The following ARMC10 variants were observed in gnomAD, a reference collection of about 807,000 sequenced individuals.
ARMC10 encodes armadillo repeat containing 10.
In ARMC10, 23 loss-of-function variants were observed where a neutral mutation model predicts 30.2. That is an observed-to-expected ratio of 0.76 (90% CI 0.55 to 1.08). ARMC10 has a LOEUF of 1.08. Ranked by LOEUF, ARMC10 falls within the 50% of genes least tolerant of loss-of-function variation. The pLI is 0.00. For synonymous variants in ARMC10, 111 were observed against 164.4 expected (o/e 0.68, Z 2.48); for missense variants, 303 against 413.7 (o/e 0.73, Z 2.32).
At chr7:103,085,548 C>A (rs1800760411) in intron 3 of ARMC10, among the ~76,000 whole-genome samples, 1 of 151,748 alleles carries the variant, frequency 6.6e-6, no homozygotes, top group South Asian at 2.1e-4. Flanking sequence ...AGTATTGCAA[C>A]CAACTGTAAG....
chr7:103,075,920 AC>A, intron 2 of ARMC10, 39 bp downstream of exon 2: 1 of 1,426,652 alleles, frequency 7.0e-7, no homozygotes, highest in Non-Finnish European at 9.5e-7. Flanking sequence ...TCTGCGCGAG[AC>A]ACACCCTCCC....
chr7:103,098,282 ATT>A lies in ARMC10; in HGVS notation c.778-16_778-15del, dbSNP rs1266847166. 3.5e-6 allele frequency: 5 copies of A among 1,436,056 alleles called. No homozygotes were observed. In the African/African-American group the frequency reaches 7.2e-5, roughly 21 times the overall value. The allele number at this position is 1,436,056 out of a possible 1,614,324, so 89.0% of individuals were successfully genotyped here. ...ATATTATTAATATAAAATAATACTC[ATT>A]GTTTCATATTTCAGGTGGATTCATC... On this transcript the variant is annotated splice_polypyrimidine_tract_variant and intron_variant, in intron 6 of 6. Transcript: ENST00000323716.
chr7:103,095,825 A>G (rs928853160), intron 5 of ARMC10: 2 of 152,090 alleles, frequency 1.3e-5, no homozygotes, highest in Non-Finnish European at 2.9e-5. Context: ...TCAGTAAACT[A>G]TCGCAAGAAC....
At position 103,075,218 on chromosome 7, in the gene ARMC10, GC is replaced by G; in HGVS notation, c.-50del. On this transcript the variant is annotated 5_prime_UTR_variant, in exon 1 of 7. Transcript: ENST00000323716. ...GCGTGCGCTGGAGACCTCCGCGCTG[GC>G]CCCCGCGAGCCTCCTGCCCTGGCCC... The G allele has an allele frequency of 2.7e-6, 3 of 1,128,252 alleles. No homozygotes were observed. Among genetic ancestry groups the G allele is most frequent in the East Asian group, 4.8e-5 (1 of 20,656 alleles). The allele number at this position is 1,128,252 out of a possible 1,614,324, so 69.9% of individuals were successfully genotyped here.
chr7:103,078,018 C>A (rs770672649), intron 2 of ARMC10, among the ~76,000 whole-genome samples: 1 of 151,794 alleles, frequency 6.6e-6, no homozygotes, highest in Non-Finnish European at 1.5e-5. Flanking sequence ...TTTTTTGAGA[C>A]GGAGTCGCAC....
At chr7:103,092,837 C>T (rs1801464640) in intron 5 of ARMC10, among the ~76,000 whole-genome samples, 184 bp downstream of exon 5, 1 of 152,184 alleles carries the variant, frequency 6.6e-6, no homozygotes, top group Admixed American at 6.5e-5. Context: ...TCTGTTGTTT[C>T]ACTTATCAAC....
At chr7:103,078,580 C>T (rs1388161693) in intron 2 of ARMC10, among the ~76,000 whole-genome samples, 1 of 152,204 alleles carries the variant, frequency 6.6e-6, no homozygotes, top group Non-Finnish European at 1.5e-5. Context: ...CAGTCTCGGG[C>T]AGTTCTTCAT....
At position 103,088,294 on chromosome 7, in the gene ARMC10, C is replaced by T. The variant is rs908983601; in HGVS notation, c.528+1530C>T. Among the ~76,000 whole-genome samples the T allele has an allele frequency of 3.3e-5, 5 of 151,964 alleles. No homozygotes were observed. In the South Asian group the frequency reaches 8.3e-4, roughly 25 times the overall value. ...TTATGGCTAATCAGAGACTAAAGAA[C>T]CTTTATGAAAGTAAGTAGGATTGGA... On this transcript the variant is annotated intron_variant, in intron 4 of 6. Transcript: ENST00000323716.
intron 5 of ARMC10, chr7:103,097,000 C>A: frequency 2.2e-6 from 1 of 447,456 alleles, no homozygotes; most frequent in Non-Finnish European, 4.0e-6. Flanking sequence ...TTGCAATATT[C>A]TCTCTATCTC....
chr7:103,075,162 T>C lies in ARMC10; in HGVS notation c.-111T>C. 1.4e-6 allele frequency: 1 copy of C among 736,964 alleles called. No individual in the cohort carries two copies. Among genetic ancestry groups the C allele is most frequent in the Admixed American group, 5.2e-5 (1 of 19,072 alleles). The allele number at this position is 736,964 out of a possible 1,614,324, so 45.7% of individuals were successfully genotyped here. On this transcript the variant is annotated 5_prime_UTR_variant, in exon 1 of 7. Coordinates refer to ENST00000323716, the MANE Select transcript of ARMC10 (RefSeq NM_031905.5). The stretch of plus-strand genomic sequence containing the variant: ...CCCATTTCCTTTCTCCACATCCAGG[T>C]CAGGTGGCGTTTGCTGTGGCGGCTA...
At chr7:103,077,629 C>G (rs537708609) in intron 2 of ARMC10, among the ~76,000 whole-genome samples, 11 of 152,138 alleles carry the variant, frequency 7.2e-5, no homozygotes, top group Admixed American at 2.6e-4. Context: ...AAGGCCTTAC[C>G]TCTCAATACT....
At chr7:103,079,339 AAG>A (rs1307902856) in intron 2 of ARMC10, among the ~76,000 whole-genome samples, 2 of 152,190 alleles carry the variant, frequency 1.3e-5, no homozygotes, top group African/African-American at 2.4e-5. Flanking sequence ...GGGAAAAAAA[AAG>A]AAAAAAAATT....
chr7:103,092,124 A>C (rs1252091811), intron 4 of ARMC10, among the ~76,000 whole-genome samples: 1 of 152,142 alleles, frequency 6.6e-6, no homozygotes, highest in Non-Finnish European at 1.5e-5. Context: ...CGAGGTCAGG[A>C]GATCGAGACC....
intron 2 of ARMC10, 61 bp from the exon 3 acceptor site, chr7:103,083,621 G>C (rs910534088): frequency 1.4e-6 from 2 of 1,474,510 alleles, no homozygotes; most frequent in South Asian, 2.4e-5. Context: ...GTGAGAGCCT[G>C]TTTCAAAAAT....
At chr7:103,089,611 G>C (rs1037558049) in intron 4 of ARMC10, 1 of 156,602 alleles carries the variant, frequency 6.4e-6, no homozygotes, top group African/African-American at 2.4e-5. Flanking sequence ...CAGTTGCCAT[G>C]GTCATCTAGA....
At chr7:103,097,220 TGA>T (rs1801828584) in intron 5 of ARMC10, 55 bp from the exon 6 acceptor site, 6 of 1,425,254 alleles carry the variant, frequency 4.2e-6, no homozygotes, top group Admixed American at 1.7e-5. Context: ...ACAGCATGCC[TGA>T]GAGAGAAAAT....
chr7:103,082,346 ATTC>A (rs1344903861), intron 2 of ARMC10, among the ~76,000 whole-genome samples: 2 of 150,438 alleles, frequency 1.3e-5, no homozygotes, highest in Admixed American at 6.6e-5. Context: ...TGTGTGTGTG[ATTC>A]TTCTTTGAGC....
chr7:103,097,190 C>G, intron 5 of ARMC10, 87 bp from the exon 6 acceptor site: 3 of 1,129,988 alleles, frequency 2.7e-6, no homozygotes, highest in Non-Finnish European at 4.0e-6. Flanking sequence ...AGGACTTTAA[C>G]AGGAAGACAT....
intron 2 of ARMC10, among the ~76,000 whole-genome samples, chr7:103,082,855 T>G (rs932916745): frequency 6.6e-6 from 1 of 152,218 alleles, no homozygotes; most frequent in South Asian, 2.1e-4. Flanking sequence ...TTGGCTATCC[T>G]AGCTCTTCTT....
Sources: allele counts gnomAD v4.1 joint callset (sites outside exome capture counted in the v4.1 genomes callset), GRCh38; gene constraint gnomAD v4.1.1; transcripts MANE v1.5; gene names NCBI Gene and HGNC (gene_info 2026-07-23, HGNC 2026-07-21).